The following ADGRB3 variants were observed in gnomAD, a reference collection of about 807,000 sequenced individuals.
The protein encoded by ADGRB3 is brain-specific angiogenesis inhibitor 3.
In ADGRB3, 37 loss-of-function variants were observed where a neutral mutation model predicts 193.4. The observed-to-expected ratio is 0.19, with a 90% confidence interval of 0.15 to 0.25. The LOEUF is 0.25. Ranked by LOEUF, ADGRB3 falls within the 10% of genes least tolerant of loss-of-function variation. The pLI, the probability that ADGRB3 is intolerant of heterozygous loss-of-function variation, is 1.00. For synonymous variants in ADGRB3, 690 were observed against 644.2 expected, an observed-to-expected ratio of 1.07 and a Z score of -1.08; for missense variants, 1,637 against 1,852.9, an observed-to-expected ratio of 0.88 and a Z score of 2.14.
intron 3 of ADGRB3, among the ~76,000 whole-genome samples, chr6:68,642,230 A>C (rs1418734658): frequency 3.9e-5 from 6 of 152,154 alleles, no homozygotes; most frequent in Non-Finnish European, 7.4e-5. Context: ...AAGTGGCACA[A>C]ATTTGAAGAG....
chr6:68,741,048 G>T (rs1765970644), intron 3 of ADGRB3, among the ~76,000 whole-genome samples: 1 of 152,036 alleles, frequency 6.6e-6, no homozygotes, highest in African/African-American at 2.4e-5. Flanking sequence ...TGAAACTTTG[G>T]GACAAACATG....
At chr6:69,051,925 C>T (rs774596970) in intron 15 of ADGRB3, among the ~76,000 whole-genome samples, 39 of 152,086 alleles carry the variant, frequency 2.6e-4, no homozygotes, top group South Asian at 2.1e-4. Context: ...GACGGAGTCT[C>T]GCTCTGTTGC....
chr6:68,940,570 C>CTTTTTT (rs1767612206), intron 5 of ADGRB3, among the ~76,000 whole-genome samples: 1 of 9,900 alleles, frequency 1.0e-4, no homozygotes, highest in Non-Finnish European at 1.9e-4. Context: ...TTTTTTTTTG[C>CTTTTTT]TAAATGTATA....
At chr6:68,991,316 A>T (rs967799587) in intron 10 of ADGRB3, among the ~76,000 whole-genome samples, 1 of 152,046 alleles carries the variant, frequency 6.6e-6, no homozygotes, top group African/African-American at 2.4e-5. Context: ...GGAATAAAAT[A>T]ATAAACAAAA....
chr6:69,280,531 G>A (rs1429767904), intron 20 of ADGRB3, among the ~76,000 whole-genome samples: 3 of 152,006 alleles, frequency 2.0e-5, no homozygotes, highest in South Asian at 2.1e-4. Flanking sequence ...ACATATAAAG[G>A]GAATAATAGT....
chr6:68,875,963 T>C (rs554152578), intron 3 of ADGRB3, among the ~76,000 whole-genome samples: 1 of 152,276 alleles, frequency 6.6e-6, no homozygotes, highest in East Asian at 1.9e-4. Flanking sequence ...GTTTTCAATT[T>C]AATGCTAAAG....
intron 17 of ADGRB3, among the ~76,000 whole-genome samples, chr6:69,085,911 A>G (rs995172167): frequency 1.3e-5 from 2 of 151,914 alleles, no homozygotes; most frequent in Non-Finnish European, 2.9e-5. Context: ...TAATAAATAT[A>G]CAGGTTATTA....
intron 16 of ADGRB3, among the ~76,000 whole-genome samples, chr6:69,067,789 C>G (rs574729778): frequency 6.8e-4 from 103 of 152,240 alleles, no homozygotes; most frequent in Admixed American, 9.2e-4. Context: ...AGAAATTGCT[C>G]TCTGGCTACA....
rs760768100 is a variant in ADGRB3, at chr6:68,671,454, T to TA, written c.757+32022_757+32023insA. Among the ~76,000 whole-genome samples the TA allele has an allele frequency of 2.4e-4, 37 of 152,202 alleles. 1 individual carries two copies. The South Asian group carries it at 4.1e-3, about 17-fold the overall frequency. The stretch of plus-strand genomic sequence containing the variant: ...TTCTATCTCAAGTTTTCTGAGGGTT[T>TA]TTATCATGAAGGGATTTCGAACTTT... On this transcript the variant is annotated intron_variant, in intron 3 of 31. Transcript: ENST00000370598.
In ADGRB3 at chr6:68,737,666, C is replaced by T. The variant is rs569867360; in HGVS notation, c.757+98234C>T. Reference sequence around the variant, plus strand: ...GGGCCCTGGAATAAGACAGTCCAAACATAAATTGTCCATGTTCCTTTATGA... The same window carrying T: ...GGGCCCTGGAATAAGACAGTCCAAATATAAATTGTCCATGTTCCTTTATGA... On this transcript the variant is annotated intron_variant, in intron 3 of 31. Transcript: ENST00000370598. Among the ~76,000 whole-genome samples, 8 of 152,230 alleles carry T rather than the reference C, an allele frequency of 5.3e-5. No individual in the cohort carries two copies. The South Asian group carries it at 1.5e-3, about 28-fold the overall frequency.
intron 20 of ADGRB3, among the ~76,000 whole-genome samples, chr6:69,242,206 A>G (rs553005259): frequency 2.0e-5 from 3 of 151,982 alleles, no homozygotes; most frequent in African/African-American, 7.2e-5. Context: ...GTATAAACTT[A>G]TGATGTGCAT....
At chr6:68,990,440 C>T (rs1285346971) in intron 10 of ADGRB3, among the ~76,000 whole-genome samples, 1 of 152,086 alleles carries the variant, frequency 6.6e-6, no homozygotes, top group African/African-American at 2.4e-5. Flanking sequence ...CTAATCAGTG[C>T]CAATTGTTAG....
At chr6:69,106,040 G>A (rs1773201607) in intron 17 of ADGRB3, among the ~76,000 whole-genome samples, 1 of 151,606 alleles carries the variant, frequency 6.6e-6, no homozygotes, top group Non-Finnish European at 1.5e-5. Flanking sequence ...GGAGGCTGAG[G>A]CATGGGAGTC....
At chr6:69,078,215 T>A (rs944962743) in intron 17 of ADGRB3, among the ~76,000 whole-genome samples, 1 of 152,022 alleles carries the variant, frequency 6.6e-6, no homozygotes, top group African/African-American at 2.4e-5. Flanking sequence ...CAAGTTGCTG[T>A]TATTTTTAAT....
intron 3 of ADGRB3, among the ~76,000 whole-genome samples, chr6:68,642,439 A>G (rs1180842994): frequency 6.6e-6 from 1 of 152,120 alleles, no homozygotes; most frequent in Non-Finnish European, 1.5e-5. Context: ...AACCTTCTTT[A>G]ATAATATATT....
chr6:69,020,107 A>G (rs3757048), intron 13 of ADGRB3, among the ~76,000 whole-genome samples: 19,619 of 152,056 alleles, frequency 0.13, 1,352 homozygotes, highest in Middle Eastern at 0.26. Context: ...GACAATTGGT[A>G]AAGTAATTTA....
At chr6:69,006,121 G>A (rs1769742382) in intron 11 of ADGRB3, among the ~76,000 whole-genome samples, 1 of 151,352 alleles carries the variant, frequency 6.6e-6, no homozygotes, top group Non-Finnish European at 1.5e-5. Flanking sequence ...TTTTTTAAGA[G>A]CAAACTCAAG....
At chr6:69,339,041 T>C (rs1768916243) in intron 25 of ADGRB3, 27 bp downstream of exon 25, 2 of 1,609,602 alleles carry the variant, frequency 1.2e-6, no homozygotes, top group Non-Finnish European at 8.5e-7. Context: ...TACATCTTCT[T>C]GTTACAAATC....
chr6:69,278,319 C>T (rs1236863217), intron 20 of ADGRB3, among the ~76,000 whole-genome samples: 1 of 152,212 alleles, frequency 6.6e-6, no homozygotes, highest in Non-Finnish European at 1.5e-5. Flanking sequence ...TAACTTCATC[C>T]TCCCTTCATC....
Sources: allele counts gnomAD v4.1 joint callset (sites outside exome capture counted in the v4.1 genomes callset), GRCh38; gene constraint gnomAD v4.1.1; transcripts MANE v1.5; gene names NCBI Gene and HGNC (gene_info 2026-07-23, HGNC 2026-07-21).